The following ASPRV1 variants were observed in gnomAD, a reference collection of about 807,000 sequenced individuals.
ASPRV1 encodes aspartic peptidase retroviral like 1.
A neutral mutation model predicts 11.0 loss-of-function variants in ASPRV1; 7 were observed. That is an observed-to-expected ratio of 0.64 (90% CI 0.36 to 1.20). ASPRV1 has a LOEUF of 1.20. Ranked by LOEUF, ASPRV1 falls within the 50% of genes most tolerant of loss-of-function variation. ASPRV1 has a pLI of 0.02. For synonymous variants in ASPRV1, 136 were observed against 138.4 expected, an observed-to-expected ratio of 0.98 and a Z score of 0.12; for missense variants, 299 against 320.0, an observed-to-expected ratio of 0.93 and a Z score of 0.50.
At chr2:69,959,493 T>C (rs902850456), downstream of ASPRV1, among the ~76,000 whole-genome samples, 1 of 151,942 alleles carries the variant, frequency 6.6e-6, no homozygotes, top group African/African-American at 2.4e-5. Context: ...CTAAAAGAGA[T>C]GCACACCCCA....
At chr2:69,979,685 C>A in the ASPRV1 span, among the ~76,000 whole-genome samples, 3 of 152,312 alleles carry the variant, frequency 2.0e-5, no homozygotes, top group East Asian at 3.9e-4. Flanking sequence ...CTCCTGGATT[C>A]TTGGGTGACC....
the ASPRV1 span, chr2:69,976,418 CACCTACCAG>C: frequency 6.6e-6 from 1 of 152,304 alleles, no homozygotes; most frequent in East Asian, 1.9e-4. Flanking sequence ...GTGCTGGAGC[CACCTACCAG>C]GAGTCACTTC....
the ASPRV1 span, among the ~76,000 whole-genome samples, chr2:70,078,506 TTAAG>T: frequency 3.3e-5 from 5 of 152,196 alleles, no homozygotes; most frequent in Non-Finnish European, 7.3e-5. Context: ...ATTTCACTGA[TTAAG>T]TGACAGTTGA....
chr2:69,959,527 C>T (rs1215546546), downstream of ASPRV1, among the ~76,000 whole-genome samples: 1 of 152,064 alleles, frequency 6.6e-6, no homozygotes, highest in African/African-American at 2.4e-5. Context: ...GAATGTCCTC[C>T]CCTCCATCAG....
At chr2:69,938,510 T>C in the ASPRV1 span, 2 of 507,356 alleles carry the variant, frequency 3.9e-6, no homozygotes, top group East Asian at 3.5e-5. Context: ...TGAGAGACTA[T>C]ACATTCCAAT....
the ASPRV1 span, among the ~76,000 whole-genome samples, chr2:69,982,264 G>A: frequency 6.6e-6 from 1 of 151,256 alleles, no homozygotes; most frequent in East Asian, 2.0e-4. Context: ...GACCAGCCTG[G>A]GCAAGAGAGA....
chr2:69,985,633 A>G, the ASPRV1 span, among the ~76,000 whole-genome samples: 4 of 152,210 alleles, frequency 2.6e-5, no homozygotes, highest in African/African-American at 9.6e-5. Flanking sequence ...TAAGAAAGGG[A>G]AACTTCAAGA....
chr2:69,946,052 G>T, the ASPRV1 span, among the ~76,000 whole-genome samples: 2 of 152,164 alleles, frequency 1.3e-5, no homozygotes, highest in African/African-American at 4.8e-5. Flanking sequence ...AGACAGCCGG[G>T]CTGGGTGACA....
the ASPRV1 span, among the ~76,000 whole-genome samples, chr2:69,950,412 T>G: frequency 1.1e-4 from 17 of 152,244 alleles, no homozygotes; most frequent in Non-Finnish European, 2.1e-4. Context: ...GAAATCATAT[T>G]GTGTATGTTT....
chr2:70,081,909 A>C, the ASPRV1 span, among the ~76,000 whole-genome samples: 1 of 152,216 alleles, frequency 6.6e-6, no homozygotes, highest in South Asian at 2.1e-4. Context: ...ATAAAAGAGA[A>C]ATAGAAAGAT....
the ASPRV1 span, among the ~76,000 whole-genome samples, chr2:70,026,300 T>C: frequency 6.7e-6 from 1 of 150,054 alleles, no homozygotes; most frequent in Non-Finnish European, 1.5e-5. Flanking sequence ...TATATACATA[T>C]GGAATGAGAA....
At chr2:70,024,076 T>C in the ASPRV1 span, among the ~76,000 whole-genome samples, 3 of 105,822 alleles carry the variant, frequency 2.8e-5, no homozygotes, top group Non-Finnish European at 5.8e-5. Flanking sequence ...CAAAGCAAAA[T>C]CCCGTCACTA....
At chr2:69,937,215 A>T in the ASPRV1 span, 1 of 1,611,920 alleles carries the variant, frequency 6.2e-7, no homozygotes, top group Non-Finnish European at 8.5e-7. Flanking sequence ...GGGCCCAACA[A>T]CTACCCCTTT....
At chr2:70,000,788 CAAAAAAAAAAAA>C in the ASPRV1 span, among the ~76,000 whole-genome samples, 22 of 42,038 alleles carry the variant, frequency 5.2e-4, no homozygotes, top group East Asian at 3.5e-3. Flanking sequence ...GACCCTGCCT[CAAAAAAAAAAAA>C]AAAAAAAAAA....
the ASPRV1 span, chr2:70,070,179 C>CAAAAAAA: frequency 3.8e-4 from 18 of 47,122 alleles, no homozygotes; most frequent in East Asian, 1.5e-3. Context: ...GACTCCATCT[C>CAAAAAAA]AAAAAAAAAA....
At chr2:70,035,794 T>C in the ASPRV1 span, among the ~76,000 whole-genome samples, 2 of 151,664 alleles carry the variant, frequency 1.3e-5, no homozygotes, top group Non-Finnish European at 2.9e-5. Flanking sequence ...CCTCTCAGGA[T>C]CTCTATCAGC....
chr2:69,982,731 C>T, the ASPRV1 span, among the ~76,000 whole-genome samples: 1 of 152,138 alleles, frequency 6.6e-6, no homozygotes, highest in South Asian at 2.1e-4. Context: ...CTGCTTCCCC[C>T]CTTCTCAGGC....
chr2:69,974,642 C>G, the ASPRV1 span, among the ~76,000 whole-genome samples: 8 of 152,214 alleles, frequency 5.3e-5, no homozygotes, highest in Admixed American at 5.2e-4. Context: ...ATCAGCGAAA[C>G]TGAACTCATT....
the ASPRV1 span, among the ~76,000 whole-genome samples, chr2:70,063,115 C>G: frequency 4.6e-5 from 7 of 152,158 alleles, no homozygotes; most frequent in Admixed American, 1.3e-4. Context: ...AGTAAGTACT[C>G]TATCTTCATG....
Sources: gnomAD v4.1 joint callset for allele counts (sites outside exome capture counted in the v4.1 genomes callset) on GRCh38, gnomAD v4.1.1 for gene constraint, MANE v1.5 for transcripts, NCBI Gene and HGNC (gene_info 2026-07-23, HGNC 2026-07-21) for gene names.